The following PPP4R4 variants were observed in gnomAD, a reference collection of about 807,000 sequenced individuals.
The protein encoded by PPP4R4 is serine/threonine-protein phosphatase 4 regulatory subunit 4.
Under a neutral mutation model 121.8 loss-of-function variants are expected in PPP4R4, and 70 were observed. The ratio of observed to expected loss-of-function variants is 0.57; its 90% CI spans 0.47 to 0.70. The LOEUF is 0.70. Ranked by LOEUF, PPP4R4 falls within the 30% of genes least tolerant of loss-of-function variation. The pLI is 0.00. For synonymous variants in PPP4R4, 348 were observed against 355.7 expected (o/e 0.98, Z 0.24); for missense variants, 875 against 1,033.6 (o/e 0.85, Z 2.10).
chr14:94,210,516 A>T (rs1890688453), intron 3 of PPP4R4, among the ~76,000 whole-genome samples: 1 of 152,100 alleles, frequency 6.6e-6, no homozygotes, highest in African/African-American at 2.4e-5. Flanking sequence ...ATGAACATGT[A>T]CTAAGGAAAC....
chr14:94,259,410 A>G lies in PPP4R4; in HGVS notation c.2127+41A>G, dbSNP rs573578195. Reference sequence around the variant, plus strand: ...ATGCACACACATATACTCTTTTCTGATTAATAACTGTGTTTTTTTATTAAA... The same window carrying G: ...ATGCACACACATATACTCTTTTCTGGTTAATAACTGTGTTTTTTTATTAAA... On this transcript the variant is annotated intron_variant, in intron 19 of 24. Coordinates refer to ENST00000304338, the MANE Select transcript of PPP4R4 (RefSeq NM_058237.2). 41 of 1,481,530 alleles carry G rather than the reference A, an allele frequency of 2.8e-5. No individual in the cohort carries two copies. The African/African-American group carries it at 5.2e-4, about 19-fold the overall frequency. The allele number at this position is 1,481,530 out of a possible 1,614,324, so 91.8% of individuals were successfully genotyped here.
At chr14:94,258,761 A>C (rs111352938) in intron 17 of PPP4R4, 22 bp from the exon 18 acceptor site, 19 of 1,521,540 alleles carry the variant, frequency 1.2e-5, no homozygotes, top group African/African-American at 1.1e-4. Context: ...CTTTAGAATA[A>C]TTTTAAAAAC....
intron 2 of PPP4R4, among the ~76,000 whole-genome samples, chr14:94,188,254 G>T (rs1354117438): frequency 2.0e-5 from 3 of 151,968 alleles, no homozygotes; most frequent in African/African-American, 7.3e-5. Context: ...ATTTTTGAAT[G>T]ATGAACCAAC....
At chr14:94,221,257 T>C (rs1009907937) in intron 3 of PPP4R4, among the ~76,000 whole-genome samples, 3 of 152,150 alleles carry the variant, frequency 2.0e-5, no homozygotes, top group Non-Finnish European at 2.9e-5. Context: ...ACTGAAATTA[T>C]TAAAACTTCT....
rs1893956120 is a variant in PPP4R4 at position 94,264,860 on chromosome 14, A to G, written c.2128-18A>G. On this transcript the variant is annotated intron_variant, in intron 19 of 24. Transcript: ENST00000304338. ...ACTTCAGTTGTACCTTTAATGCAAGATACTGTCTTAATAACAGGAACAATT... is the reference window on the plus strand; with the variant it reads ...ACTTCAGTTGTACCTTTAATGCAAGGTACTGTCTTAATAACAGGAACAATT... The G allele has an allele frequency of 1.3e-6, 2 of 1,567,246 alleles. No individual in the cohort carries two copies. Among genetic ancestry groups the G allele is most frequent in the South Asian group, 1.2e-5 (1 of 86,564 alleles).
chr14:94,189,642 G>T (rs1889486202), intron 2 of PPP4R4, among the ~76,000 whole-genome samples: 1 of 152,148 alleles, frequency 6.6e-6, no homozygotes, highest in Admixed American at 6.5e-5. Flanking sequence ...ATTTCTGTTT[G>T]CTGGGCACCT....
chr14:94,176,275 T>G (rs530102332), intron 2 of PPP4R4, 148 bp downstream of exon 2: 1 of 597,734 alleles, frequency 1.7e-6, no homozygotes, highest in East Asian at 2.8e-5. Context: ...TTAACTATAT[T>G]ATAAATTAGA....
intron 23 of PPP4R4, among the ~76,000 whole-genome samples, chr14:94,267,973 A>G (rs1894130529): frequency 6.6e-6 from 1 of 152,214 alleles, no homozygotes; most frequent in Admixed American, 6.5e-5. Flanking sequence ...ACATTCACGT[A>G]CAGTATATAG....
chr14:94,231,385 T>C lies in PPP4R4; in HGVS notation c.516+70T>C, dbSNP rs568718272. On this transcript the variant is annotated intron_variant, in intron 5 of 24. Transcript: ENST00000304338. ...AGGTTTTTTTTTAAAAGGTTTCTTG[T>C]CAAAAATGGTTTTTAAAAAAGAAAG... 10 of 1,330,452 alleles carry C rather than the reference T, an allele frequency of 7.5e-6. No homozygotes were observed. The African/African-American group carries it at 1.3e-4, about 18-fold the overall frequency. The allele number at this position is 1,330,452 out of a possible 1,614,324, so 82.4% of individuals were successfully genotyped here. A position where few individuals can be genotyped will look rare whatever the true frequency, so the allele number is the denominator to read the frequency against.
intron 2 of PPP4R4, among the ~76,000 whole-genome samples, chr14:94,203,924 A>G (rs1414275796): frequency 6.6e-6 from 1 of 152,232 alleles, no homozygotes; most frequent in African/African-American, 2.4e-5. Flanking sequence ...AGTTCTTTAT[A>G]TGGTCTCGAC....
rs533802637 is a variant in PPP4R4 at position 94,188,346 on chromosome 14, T to G, written c.191+12219T>G. ...TTCTAGACTCTATTTGCTAATATTT[T>G]GTGGAGGATTTTGTCATTTATATTA... On this transcript the variant is annotated intron_variant, in intron 2 of 24. Transcript: ENST00000304338. 3.2e-4 allele frequency among the ~76,000 whole-genome samples: 48 copies of G among 152,278 alleles called. No individual in the cohort carries two copies. The South Asian group carries it at 9.3e-3, about 30-fold the overall frequency.
At chr14:94,274,511 A>T (rs1255889288) in intron 23 of PPP4R4, among the ~76,000 whole-genome samples, 2 of 152,224 alleles carry the variant, frequency 1.3e-5, no homozygotes, top group African/African-American at 4.8e-5. Context: ...TAAGTGCATG[A>T]AAAGATGCTT....
intron 2 of PPP4R4, among the ~76,000 whole-genome samples, chr14:94,204,217 A>G (rs928203472): frequency 3.9e-5 from 6 of 152,028 alleles, no homozygotes; most frequent in Admixed American, 2.6e-4. Context: ...TTATGTTTTA[A>G]GTATAAGTCT....
In PPP4R4 at chr14:94,208,501, A is replaced by G; in HGVS notation, c.229A>G (p.Asn77Asp). 1 of 1,612,022 alleles carries G rather than the reference A, an allele frequency of 6.2e-7. No individual in the cohort carries two copies. Among genetic ancestry groups the G allele is most frequent in the South Asian group, 1.1e-5 (1 of 90,918 alleles). The change falls in exon 3 of 25, where the codon AAT becomes GAT. Residue 77 changes from asparagine (N) to aspartate (D), a missense_variant. By Grantham distance (23) the Asn-to-Asp change is conservative. Coordinates refer to ENST00000304338, the MANE Select transcript of PPP4R4 (RefSeq NM_058237.2). Reference protein sequence around the residue: ...QDVQGTSVIANLPFLMRQNPT... With the variant: ...QDVQGTSVIADLPFLMRQNPT... Reference sequence around the variant, plus strand: ...TGTCCAAGGAACAAGTGTGATTGCAAATCTCCCATTTTTGATGCGACAGAA... The same window carrying G: ...TGTCCAAGGAACAAGTGTGATTGCAGATCTCCCATTTTTGATGCGACAGAA...
intron 16 of PPP4R4, among the ~76,000 whole-genome samples, chr14:94,254,819 G>C (rs986896184): frequency 1.1e-4 from 16 of 152,126 alleles, no homozygotes; most frequent in African/African-American, 3.9e-4. Flanking sequence ...CCTCCTCCTG[G>C]AAAGGCTTTT....
chr14:94,277,141 A>C (rs1235795141), intron 24 of PPP4R4, among the ~76,000 whole-genome samples: 1 of 152,092 alleles, frequency 6.6e-6, no homozygotes, highest in East Asian at 1.9e-4. Context: ...TCTACTAAAA[A>C]ATTACAAAAA....
intron 2 of PPP4R4, among the ~76,000 whole-genome samples, chr14:94,186,673 C>T (rs1889303596): frequency 6.6e-6 from 1 of 152,172 alleles, no homozygotes; most frequent in Non-Finnish European, 1.5e-5. Context: ...AACTGCTAAA[C>T]TGTTTCTAAG....
At chr14:94,259,453 ATT>A in intron 19 of PPP4R4, 84 bp downstream of exon 19, 4 of 1,363,634 alleles carry the variant, frequency 2.9e-6, no homozygotes, top group Non-Finnish European at 3.8e-6. Context: ...ATTTCTTTCC[ATT>A]TCACCATTTC....
chr14:94,233,742 C>A lies in PPP4R4; in HGVS notation c.606C>A (p.Asn202Lys), dbSNP rs753504389. The change falls in exon 6 of 25, where the codon AAC (asparagine) becomes AAA (lysine). Residue 202 changes from asparagine to lysine, a missense_variant. Transcript: ENST00000304338. ...GTAAAATTTTAGGAAAATTGACCAA[C>A]AAATTTGATGCCCACACGTGAGTAT... ...VSCKILGKLTNKFDAHTIKRE... is the reference protein window; with the variant it reads ...VSCKILGKLTKKFDAHTIKRE... 7.2e-5 allele frequency: 113 copies of A among 1,575,184 alleles called. No homozygotes were observed. Among genetic ancestry groups the A allele is most frequent in the Non-Finnish European group, 9.3e-5 (107 of 1,146,852 alleles).
Sources: gnomAD v4.1 joint callset for allele counts (sites outside exome capture counted in the v4.1 genomes callset) on GRCh38, gnomAD v4.1.1 for gene constraint, MANE v1.5 for transcripts, NCBI Gene and HGNC (gene_info 2026-07-23, HGNC 2026-07-21) for gene names.